Variants in ADGRG4 observed in about 807,000 individuals in gnomAD.
ADGRG4 encodes the protein adhesion G protein-coupled receptor G4.
Under a neutral mutation model 126.2 loss-of-function variants are expected in ADGRG4, and 122 were observed. That is an observed-to-expected ratio of 0.97 (90% CI 0.83 to 1.12). The LOEUF (loss-of-function observed/expected upper bound fraction) is 1.12. Ranked by LOEUF, ADGRG4 falls within the 50% of genes most tolerant of loss-of-function variation. The pLI is 0.00. For synonymous variants in ADGRG4, 943 were observed against 838.7 expected, an observed-to-expected ratio of 1.12 and a Z score of -2.15; for missense variants, 2,481 against 2,251.8, an observed-to-expected ratio of 1.10 and a Z score of -2.06.
intron 13 of ADGRG4, among the ~76,000 whole-genome samples, chrX:136,364,077 C>T (rs979899849): frequency 2.7e-5 from 3 of 111,258 alleles, no homozygotes; most frequent in South Asian, 7.7e-4. Context: ...TCCCAAAGTA[C>T]TGGGATTACA....
chrX:136,323,418 T>C (rs1465281168), intron 5 of ADGRG4, 26 bp downstream of exon 5: 2 of 1,171,048 alleles, frequency 1.7e-6, no homozygotes, highest in African/African-American at 3.6e-5. Flanking sequence ...ACTTTTTTCC[T>C]TAGCAAGGGT....
intron 5 of ADGRG4, among the ~76,000 whole-genome samples, chrX:136,337,121 C>T (rs1044230207): frequency 1.8e-5 from 2 of 111,015 alleles, no homozygotes; most frequent in South Asian, 3.9e-4. Flanking sequence ...TGCACCACCA[C>T]GCCCAGTTAT....
chrX:136,314,984 A>G (rs931299547), intron 4 of ADGRG4, among the ~76,000 whole-genome samples: 1 of 111,830 alleles, frequency 8.9e-6, no homozygotes, highest in Non-Finnish European at 1.9e-5. Context: ...TCTGTCTCCT[A>G]TGCCAAGAAC....
intron 5 of ADGRG4, among the ~76,000 whole-genome samples, chrX:136,341,725 T>C (rs1420596551): frequency 8.9e-6 from 1 of 112,115 alleles, no homozygotes; most frequent in Non-Finnish European, 1.9e-5. Flanking sequence ...GTGTGTACTT[T>C]TATCAACTCA....
At chrX:136,327,952 T>C (rs891598955) in intron 5 of ADGRG4, among the ~76,000 whole-genome samples, 2 of 111,495 alleles carry the variant, frequency 1.8e-5, no homozygotes, top group Non-Finnish European at 3.8e-5. Context: ...TTCACTTCAA[T>C]CTTTTACTCT....
At chrX:136,371,863 C>T (rs1278843586) in intron 14 of ADGRG4, among the ~76,000 whole-genome samples, 6 of 111,193 alleles carry the variant, frequency 5.4e-5, no homozygotes, top group African/African-American at 1.6e-4. Context: ...CTTGAGCATC[C>T]GTGGATTTTT....
At chrX:136,363,378 C>A in intron 12 of ADGRG4, 99 bp from the exon 13 acceptor site, 1 of 594,796 alleles carries the variant, frequency 1.7e-6, no homozygotes, top group Non-Finnish European at 2.9e-6. Flanking sequence ...AGGCTTGGGG[C>A]AGGCGAGGAG....
At chrX:136,301,765 G>A (rs767760013) in intron 1 of ADGRG4, among the ~76,000 whole-genome samples, 1 of 111,890 alleles carries the variant, frequency 8.9e-6, no homozygotes, top group Non-Finnish European at 1.9e-5. Context: ...TGTATAAGGT[G>A]TAAGGAAGGG....
intron 5 of ADGRG4, among the ~76,000 whole-genome samples, chrX:136,324,731 G>A (rs2066505781): frequency 8.9e-6 from 1 of 112,048 alleles, no homozygotes; most frequent in African/African-American, 3.2e-5. Context: ...CTTTTGACAA[G>A]TTCCCCATCA....
intron 17 of ADGRG4, among the ~76,000 whole-genome samples, chrX:136,392,904 A>G (rs1034672753): frequency 2.7e-5 from 3 of 112,090 alleles, no homozygotes; most frequent in Non-Finnish European, 5.6e-5. Flanking sequence ...CATATAGTTC[A>G]GCATACTTTT....
rs2075192408 is a variant in ADGRG4, at chrX:136,371,343, T to C, written c.7412T>C (p.Val2471Ala). The C allele has an allele frequency of 1.7e-6, 2 of 1,187,990 alleles. No homozygotes were observed. The highest frequency in any genetic ancestry group is 4.6e-5 in the Admixed American group (2 of 43,922). The change falls in exon 14 of 26, where the codon GTT becomes GCT. Residue 2471 changes from valine (V) to alanine (A), a missense_variant. Transcript: ENST00000394143. ...CTTTCCCCAGAGAATGCTGAGGATG[T>C]TGCAGAGCATATTTTAAATTTGATA... ...ITISDENAED[V>A]AEHILNLINE...
chrX:136,344,525 C>T lies in ADGRG4; in HGVS notation c.819C>T (p.Ser273=), dbSNP rs750263921. ...TAHSSTLLSQ[S]IPIFATDYTT... is the part of the protein sequence containing the mutation. ...ATTCCTCTACACTATTGTCTCAAAGCATACCTATATTTGCAACTGATTACA... is the reference window on the plus strand; with the variant it reads ...ATTCCTCTACACTATTGTCTCAAAGTATACCTATATTTGCAACTGATTACA... The change falls in exon 6 of 26, where the codon AGC becomes AGT. Residue 273 remains serine, a synonymous_variant. Transcript: ENST00000394143. The T allele has an allele frequency of 1.0e-5, 12 of 1,205,442 alleles. No homozygotes were observed. Among genetic ancestry groups the T allele is most frequent in the African/African-American group, 1.8e-5 (1 of 57,014 alleles).
chrX:136,382,866 T>G (rs2075271094), intron 15 of ADGRG4, among the ~76,000 whole-genome samples: 1 of 110,194 alleles, frequency 9.1e-6, no homozygotes, highest in Non-Finnish European at 1.9e-5. Flanking sequence ...TTGTGTCTCT[T>G]GGTGGCAGCG....
intron 15 of ADGRG4, among the ~76,000 whole-genome samples, chrX:136,377,167 CTTTTTTTTTTTTT>C (rs1184343263): frequency 4.1e-5 from 2 of 48,654 alleles, no homozygotes; most frequent in Non-Finnish European, 6.7e-5. Flanking sequence ...GTTTTCTTTC[CTTTTTTTTTTTTT>C]TTTTTTTTTT....
intron 21 of ADGRG4, 124 bp downstream of exon 21, chrX:136,400,240 A>G: frequency 3.5e-6 from 2 of 575,938 alleles, no homozygotes; most frequent in Non-Finnish European, 5.5e-6. Flanking sequence ...GTGTTTGGGC[A>G]TGCATCTTTT....
Position 136,416,765 on chromosome X carries a change from C to A in ADGRG4, c.*274C>A. On this transcript the variant is annotated 3_prime_UTR_variant, in exon 26 of 26. Transcript: ENST00000394143. ...TCCCAGTAGAGATACTTGCCTCCTCCCAACCCCTGATTGGGGAAAAGGTTG... is the reference window on the plus strand; with the variant it reads ...TCCCAGTAGAGATACTTGCCTCCTCACAACCCCTGATTGGGGAAAAGGTTG... 4.4e-6 allele frequency: 1 copy of A among 226,562 alleles called. No individual in the cohort carries two copies. The allele number at this position is 226,562 out of a possible 1,213,427, so 18.7% of individuals were successfully genotyped here. A position where few individuals can be genotyped will look rare whatever the true frequency, so the allele number is the denominator to read the frequency against.
At chrX:136,387,242 G>C (rs2075296602) in intron 15 of ADGRG4, among the ~76,000 whole-genome samples, 1 of 112,254 alleles carries the variant, frequency 8.9e-6, no homozygotes, top group Non-Finnish European at 1.9e-5. Context: ...GAATTGCTAA[G>C]CGCTAATGCC....
chrX:136,310,203 A>G (rs746810063), intron 4 of ADGRG4, among the ~76,000 whole-genome samples: 1 of 110,592 alleles, frequency 9.0e-6, no homozygotes, highest in East Asian at 2.8e-4. Context: ...GCTGGAGTGC[A>G]GTGACGCAAT....
In ADGRG4 at chrX:136,375,217, T is replaced by A. The variant is rs2075218648; in HGVS notation, c.7776+2153T>A. On this transcript the variant is annotated intron_variant, in intron 15 of 25. Transcript: ENST00000394143. ...AGTTACTGCAAAAGACATGATTTCA[T>A]TCCTTTTTATGGCTGAGTAGTATTC... Among the ~76,000 whole-genome samples, 3 of 112,219 alleles carry A rather than the reference T, an allele frequency of 2.7e-5. No homozygotes were observed. The South Asian group carries it at 1.1e-3, about 42-fold the overall frequency.
Sources: allele counts gnomAD v4.1 joint callset (sites outside exome capture counted in the v4.1 genomes callset), GRCh38; gene constraint gnomAD v4.1.1; transcripts MANE v1.5; gene names NCBI Gene and HGNC (gene_info 2026-07-23, HGNC 2026-07-21).